Variants in USP32 observed in about 807,000 individuals in gnomAD.
The protein encoded by USP32 is ubiquitin specific peptidase 32.
USP32 carries 59 observed loss-of-function variants against 204.8 expected under a neutral mutation model. That is an observed-to-expected ratio of 0.29 (90% CI 0.23 to 0.36). The LOEUF is 0.36. Ranked by LOEUF, USP32 falls within the 10% of genes least tolerant of loss-of-function variation. The probability of loss-of-function intolerance (pLI) is 1.00; values close to 1 mark genes in which losing one functional copy is unlikely to be tolerated. For missense variants in USP32, 1,160 were observed against 1,946.4 expected (o/e 0.60, Z 7.60); for synonymous variants, 517 against 678.4 (o/e 0.76, Z 3.70).
At position 60,226,034 on chromosome 17, in the gene USP32, T is replaced by C. The variant is rs759752386; in HGVS notation, c.1432+5A>G. ...ATAAACCTCAGGGGAATAGGTCATA[T>C]TTACCGCTGCCAGCAGTTTCTGAGG... On this transcript the variant is annotated splice_donor_5th_base_variant and intron_variant, in intron 13 of 33. Coordinates refer to ENST00000300896, the MANE Select transcript of USP32 (RefSeq NM_032582.4). 1.3e-6 allele frequency: 2 copies of C among 1,596,400 alleles called. No homozygotes were observed. The highest frequency in any genetic ancestry group is 1.4e-5 in the African/African-American group (1 of 73,676).
chr17:60,271,560 TC>T lies in USP32; in HGVS notation c.572-80del, dbSNP rs1008375210. ...TTCAGTTCATCCTGATAATATATCT[TC>T]CACAGATATATTTTAGTTTCACAAT... is the stretch of plus-strand genomic sequence containing the variant. On this transcript the variant is annotated intron_variant, in intron 5 of 33. Coordinates refer to ENST00000300896, the MANE Select transcript of USP32 (RefSeq NM_032582.4). 3.0e-6 allele frequency: 4 copies of T among 1,349,520 alleles called. No homozygotes were observed. The African/African-American group carries it at 5.8e-5, about 20-fold the overall frequency. 83.6% of individuals were successfully genotyped at this position (1,349,520 alleles called of 1,614,324 possible).
intron 2 of USP32, among the ~76,000 whole-genome samples, chr17:60,344,707 G>T (rs1279457692): frequency 1.3e-5 from 2 of 152,144 alleles, no homozygotes; most frequent in Non-Finnish European, 2.9e-5. Context: ...CTCCTGCCTC[G>T]ATCTCCCAAA....
At chr17:60,273,961 C>CAAAAAAAAA (rs35639109) in intron 5 of USP32, among the ~76,000 whole-genome samples, 2 of 42,326 alleles carry the variant, frequency 4.7e-5, no homozygotes, top group African/African-American at 1.6e-4. Context: ...GACTCAGTCT[C>CAAAAAAAAA]AAAAAAAAAA....
chr17:60,373,599 A>C (rs1255510908), intron 1 of USP32, among the ~76,000 whole-genome samples: 2 of 151,776 alleles, frequency 1.3e-5, no homozygotes, highest in African/African-American at 4.8e-5. Flanking sequence ...ACAGGCGTGC[A>C]CCACCACAAC....
At chr17:60,385,188 C>G (rs752257665) in intron 1 of USP32, among the ~76,000 whole-genome samples, 17 of 152,328 alleles carry the variant, frequency 1.1e-4, no homozygotes, top group Admixed American at 3.9e-4. Flanking sequence ...AGCTCCCCCA[C>G]TGGGCACCTC....
chr17:60,244,034 T>TTTTG (rs1442045040), intron 11 of USP32, among the ~76,000 whole-genome samples: 14 of 134,196 alleles, frequency 1.0e-4, no homozygotes, highest in African/African-American at 4.1e-4. Context: ...ATTGTGTTTT[T>TTTTG]TTTTTTTTTT....
In USP32 at chr17:60,363,476, C is replaced by T. The variant is rs531448488; in HGVS notation, c.59-17868G>A. Among the ~76,000 whole-genome samples the T allele has an allele frequency of 4.7e-3, 685 of 145,944 alleles. 3 individuals are homozygous for T. The highest frequency in any genetic ancestry group is 7.6e-3 in the Non-Finnish European group (505 of 66,694). ...TCTCAAAAAAAAAAAAAAAAAAGCG[C>T]CACTGCACTCCAGCCTGGGTGACAG... On this transcript the variant is annotated intron_variant, in intron 1 of 33. Transcript: ENST00000300896.
chr17:60,343,920 G>C (rs1216113287), intron 2 of USP32, among the ~76,000 whole-genome samples: 1 of 151,930 alleles, frequency 6.6e-6, no homozygotes, highest in Non-Finnish European at 1.5e-5. Context: ...TGTAATCCCA[G>C]CTACTCAGGA....
intron 1 of USP32, among the ~76,000 whole-genome samples, chr17:60,389,378 C>G (rs1391525947): frequency 6.6e-6 from 1 of 151,940 alleles, no homozygotes; most frequent in African/African-American, 2.4e-5. Flanking sequence ...CCCATCTCTA[C>G]TAAAAATACA....
intron 16 of USP32, among the ~76,000 whole-genome samples, chr17:60,217,524 A>G (rs2085134754): frequency 6.6e-6 from 1 of 151,856 alleles, no homozygotes; most frequent in Non-Finnish European, 1.5e-5. Flanking sequence ...CGAACTCCTG[A>G]CCTCTGGTGA....
At chr17:60,212,480 T>C (rs1681987695) in intron 18 of USP32, among the ~76,000 whole-genome samples, 1 of 152,136 alleles carries the variant, frequency 6.6e-6, no homozygotes, top group Non-Finnish European at 1.5e-5. Flanking sequence ...TATTATAATC[T>C]TATGGGACCA....
At chr17:60,253,285 G>A (rs1019483814) in intron 10 of USP32, among the ~76,000 whole-genome samples, 2 of 152,034 alleles carry the variant, frequency 1.3e-5, no homozygotes, top group African/African-American at 2.4e-5. Context: ...GAATATGTTC[G>A]TGTACAAACA....
chr17:60,181,219 C>T (rs2084102756), intron 32 of USP32, 105 bp downstream of exon 32: 8 of 1,424,998 alleles, frequency 5.6e-6, no homozygotes, highest in Non-Finnish European at 7.6e-6. Flanking sequence ...AAGCTCAATG[C>T]TAGGAAATAA....
Position 60,191,573 on chromosome 17 carries a change from G to A in USP32, c.3522-890C>T, listed in dbSNP as rs1166935154. ...CGCCCAGGCTGGAGTGCAGTGGTGC[G>A]ATCTGAGCTCACTGCAAGCTCCGCC... On this transcript the variant is annotated intron_variant, in intron 28 of 33. Coordinates refer to ENST00000300896, the MANE Select transcript of USP32 (RefSeq NM_032582.4). 9.3e-5 allele frequency among the ~76,000 whole-genome samples: 14 copies of A among 151,052 alleles called. No homozygotes were observed. In the South Asian group the frequency reaches 1.1e-3, roughly 11 times the overall value.
In USP32 at chr17:60,219,462, T is replaced by A. The variant is rs2468992; in HGVS notation, c.1867+208A>T. On this transcript the variant is annotated intron_variant, in intron 16 of 33. Coordinates refer to ENST00000300896, the MANE Select transcript of USP32 (RefSeq NM_032582.4). Reference sequence around the variant, plus strand: ...CATCTAGTCTTGTGCATGACCATAGTTCTAAGCCCTGTAAAAATTAATTAC... The same window carrying A: ...CATCTAGTCTTGTGCATGACCATAGATCTAAGCCCTGTAAAAATTAATTAC... 3.5e-5 allele frequency: 25 copies of A among 721,128 alleles called. No individual in the cohort carries two copies. The African/African-American group carries it at 3.5e-4, about 10-fold the overall frequency. The allele number at this position is 721,128 out of a possible 1,614,324, so 44.7% of individuals were successfully genotyped here.
intron 1 of USP32, among the ~76,000 whole-genome samples, chr17:60,390,305 A>ACTT (rs1385192921): frequency 2.0e-5 from 3 of 152,238 alleles, no homozygotes; most frequent in Admixed American, 1.3e-4. Flanking sequence ...CAAACTTAAG[A>ACTT]AACACTTCTG....
chr17:60,214,306 T>C (rs1439743393), intron 17 of USP32, among the ~76,000 whole-genome samples: 2 of 152,208 alleles, frequency 1.3e-5, no homozygotes, highest in African/African-American at 4.8e-5. Flanking sequence ...GTAACAATAA[T>C]CTTTGAAAGA....
At chr17:60,323,710 A>G (rs1375724661) in intron 2 of USP32, among the ~76,000 whole-genome samples, 1 of 152,236 alleles carries the variant, frequency 6.6e-6, no homozygotes, top group Non-Finnish European at 1.5e-5. Flanking sequence ...CACTTTGCTG[A>G]ATACTGCTCC....
chr17:60,267,235 G>A (rs1352134129), intron 7 of USP32, among the ~76,000 whole-genome samples: 4 of 151,870 alleles, frequency 2.6e-5, no homozygotes, highest in East Asian at 2.0e-4. Context: ...GTGAAATCCC[G>A]TCGCTACTAA....
Sources: gnomAD v4.1 joint callset for allele counts (sites outside exome capture counted in the v4.1 genomes callset) on GRCh38, gnomAD v4.1.1 for gene constraint, MANE v1.5 for transcripts, NCBI Gene and HGNC (gene_info 2026-07-23, HGNC 2026-07-21) for gene names.